EPCIP: variants seen among roughly 807,000 people sequenced by gnomAD.
EPCIP encodes exosomal polycystin 1 interacting protein, also known as exosomal polycystin-1-interacting protein.
At chr21:32,800,250 G>A in the EPCIP span, among the ~76,000 whole-genome samples, 1 of 152,168 alleles carries the variant, frequency 6.6e-6, no homozygotes, top group Non-Finnish European at 1.5e-5. Context: ...TTGAAGCCAA[G>A]TATAAACATT....
the EPCIP span, among the ~76,000 whole-genome samples, chr21:32,808,412 G>C: frequency 6.6e-6 from 1 of 152,122 alleles, no homozygotes; most frequent in Non-Finnish European, 1.5e-5. Flanking sequence ...TTCCCGTAAA[G>C]TACCTGCACT....
the EPCIP span, chr21:32,810,701 G>A: frequency 2.9e-3 from 1,383 of 470,776 alleles, 23 homozygotes; most frequent in South Asian, 0.017. Flanking sequence ...ACTGAGATAC[G>A]TCTCTAGCTC....
At chr21:32,811,707 T>C in the EPCIP span, among the ~76,000 whole-genome samples, 4 of 152,252 alleles carry the variant, frequency 2.6e-5, no homozygotes, top group East Asian at 7.7e-4. Flanking sequence ...TGAATGTGTT[T>C]CCTAAAGTTC....
the EPCIP span, among the ~76,000 whole-genome samples, chr21:32,796,549 A>T: frequency 1.3e-5 from 2 of 152,324 alleles, no homozygotes; most frequent in South Asian, 2.1e-4. Flanking sequence ...TGAAGTTGGC[A>T]CAGGATTTTC....
the EPCIP span, among the ~76,000 whole-genome samples, chr21:32,809,607 G>T: frequency 2.0e-5 from 3 of 151,976 alleles, no homozygotes; most frequent in Non-Finnish European, 4.4e-5. Flanking sequence ...GGCCTCAAGA[G>T]ATCTTCCCAC....
the EPCIP span, among the ~76,000 whole-genome samples, chr21:32,806,417 C>A: frequency 6.6e-6 from 1 of 152,162 alleles, no homozygotes; most frequent in Non-Finnish European, 1.5e-5. Context: ...GATGAAAGGA[C>A]CATTGTGCGC....
At chr21:32,804,346 A>G in the EPCIP span, among the ~76,000 whole-genome samples, 1 of 150,644 alleles carries the variant, frequency 6.6e-6, no homozygotes, top group Non-Finnish European at 1.5e-5. Flanking sequence ...GGGTCTCACT[A>G]TGTCATCCAG....
the EPCIP span, chr21:32,794,008 C>G: frequency 6.2e-7 from 1 of 1,614,108 alleles, no homozygotes; most frequent in African/African-American, 1.3e-5. Flanking sequence ...TGAGTAAGCT[C>G]TGCTCTGGGA....
the EPCIP span, among the ~76,000 whole-genome samples, chr21:32,802,078 G>A: frequency 6.6e-6 from 1 of 152,066 alleles, no homozygotes; most frequent in Non-Finnish European, 1.5e-5. Context: ...AGGAAGACAG[G>A]GTTAGACAGG....
the EPCIP span, among the ~76,000 whole-genome samples, chr21:32,809,296 C>CT: frequency 1.6e-5 from 2 of 121,348 alleles, no homozygotes; most frequent in Admixed American, 1.0e-4. Flanking sequence ...TTCTTTCTTT[C>CT]TTTCTTTCTT....
chr21:32,791,604 G>C, the EPCIP span: 1 of 150,760 alleles, frequency 6.6e-6, no homozygotes, highest in Non-Finnish European at 1.5e-5. Context: ...TCATACTTTG[G>C]TCTTTGTTTT....
the EPCIP span, among the ~76,000 whole-genome samples, chr21:32,792,916 T>A: frequency 5.4e-5 from 3 of 55,728 alleles, no homozygotes; most frequent in African/African-American, 1.5e-4. Flanking sequence ...ATTATTATTA[T>A]TTTTTTTTTT....
chr21:32,806,888 G>A, the EPCIP span, among the ~76,000 whole-genome samples: 1 of 152,168 alleles, frequency 6.6e-6, no homozygotes, highest in African/African-American at 2.4e-5. Context: ...GAGGTTTAAT[G>A]AACTCAGTCC....
the EPCIP span, among the ~76,000 whole-genome samples, chr21:32,796,002 C>A: frequency 2.0e-3 from 49 of 24,952 alleles, 1 homozygote; most frequent in South Asian, 0.024. Context: ...CCCTCCTTCC[C>A]TCTTTCCTTC....
the EPCIP span, among the ~76,000 whole-genome samples, chr21:32,801,572 G>A: frequency 5.9e-5 from 9 of 152,280 alleles, no homozygotes; most frequent in South Asian, 2.1e-4. Flanking sequence ...CAGGCACAGT[G>A]GCTGACGCCT....
At chr21:32,802,501 A>G in the EPCIP span, among the ~76,000 whole-genome samples, 1 of 152,194 alleles carries the variant, frequency 6.6e-6, no homozygotes, top group Non-Finnish European at 1.5e-5. Context: ...GAGAGACTGA[A>G]TCTGGGGAGA....
the EPCIP span, among the ~76,000 whole-genome samples, chr21:32,796,297 G>A: frequency 1.6e-4 from 25 of 152,346 alleles, no homozygotes; most frequent in Middle Eastern, 3.4e-3. Context: ...AAATGCAGGA[G>A]TTAGGCAGGG....
chr21:32,791,536 AC>A, the EPCIP span: 1 of 149,464 alleles, frequency 6.7e-6, no homozygotes, highest in Non-Finnish European at 1.5e-5. Flanking sequence ...TTTTTCTTTC[AC>A]TTTAACATTA....
chr21:32,792,909 A>AT, the EPCIP span, among the ~76,000 whole-genome samples: 101 of 67,770 alleles, frequency 1.5e-3, no homozygotes, highest in African/African-American at 4.1e-3. Context: ...TCATTTTATT[A>AT]TTATTATTTT....
Sources: allele counts gnomAD v4.1 joint callset (sites outside exome capture counted in the v4.1 genomes callset), GRCh38; gene constraint gnomAD v4.1.1; transcripts MANE v1.5; gene names NCBI Gene and HGNC (gene_info 2026-07-23, HGNC 2026-07-21).